Variants in PAX6 observed in about 807,000 individuals in gnomAD.
The protein encoded by PAX6 is paired box protein Pax-6.
PAX6 carries 7 observed loss-of-function variants against 60.7 expected under a neutral mutation model. The observed-to-expected ratio is 0.12, with a 90% CI of 0.07 to 0.22. PAX6 has a LOEUF of 0.22. Ranked by LOEUF, PAX6 falls within the 10% of genes least tolerant of loss-of-function variation. The pLI, the probability that PAX6 is intolerant of heterozygous loss-of-function variation, is 1.00. For synonymous variants in PAX6, 208 were observed against 201.2 expected, an observed-to-expected ratio of 1.03 and a Z score of -0.29; for missense variants, 355 against 555.2, an observed-to-expected ratio of 0.64 and a Z score of 3.62.
At chr11:31,791,266 T>C (rs962800458) in intron 12 of PAX6, 95 of 339,112 alleles carry the variant, frequency 2.8e-4, no homozygotes, top group African/African-American at 1.8e-3. Flanking sequence ...CCAGAGCCCA[T>C]ATCTCAAGCT....
At chr11:31,810,226 C>G (rs1054684808) in intron 2 of PAX6, 3 of 152,462 alleles carry the variant, frequency 2.0e-5, no homozygotes, top group Admixed American at 6.5e-5. Flanking sequence ...CGCGGTGCCC[C>G]CCTCGGCGCT....
At chr11:31,811,912 C>A (rs1314073792), upstream of PAX6, 1 of 152,156 alleles carries the variant, frequency 6.6e-6, no homozygotes, top group Non-Finnish European at 1.5e-5. Context: ...GAGGAGGTTG[C>A]CGGGCCGAGA....
At chr11:31,791,077 C>G (rs1949796196) in intron 12 of PAX6, 1 of 656,618 alleles carries the variant, frequency 1.5e-6, no homozygotes, top group East Asian at 2.8e-5. Context: ...TATCAAGCCT[C>G]TAAAGCACTT....
rs1325022380 is a variant in PAX6, at chr11:31,816,779, C to T, written c.-317+1030G>A. 4.8e-6 allele frequency: 3 copies of T among 621,194 alleles called. No individual in the cohort carries two copies. The African/African-American group carries it at 5.5e-5, about 11-fold the overall frequency. 38.5% of individuals were successfully genotyped at this position (621,194 alleles called of 1,614,324 possible). On this transcript the variant is annotated intron_variant, in intron 1 of 12. Transcript: ENST00000241001. ...GAGCTCCGAAGGTGCTCCCAGAAGA[C>T]CTAGAAAGGGGGCGCAGGAGCGCGA...
intron 4 of PAX6, 135 bp from the exon 5 acceptor site, chr11:31,802,969 G>C: frequency 3.1e-5 from 27 of 869,348 alleles, no homozygotes; most frequent in Non-Finnish European, 4.4e-5. Context: ...GGAAGAGGAA[G>C]AAGGAGAGGA....
chr11:31,790,116 A>C lies in PAX6; in HGVS notation c.1226-97T>G, dbSNP rs1309151674. ...GGTTTACAAAAAAAAAAAAAAAAAA[A>C]AAAACTAATACTTTCTAACATTTTT... is the stretch of plus-strand genomic sequence containing the variant. On this transcript the variant is annotated intron_variant, in intron 13 of 13. Transcript: ENST00000640368. 3.9e-6 allele frequency: 3 copies of C among 779,124 alleles called. No individual in the cohort carries two copies. The Admixed American group carries it at 8.2e-5, about 21-fold the overall frequency. 48.3% of individuals were successfully genotyped at this position (779,124 alleles called of 1,614,324 possible).
At chr11:31,808,560 T>G (rs1184423103) in intron 2 of PAX6, 4 of 152,204 alleles carry the variant, frequency 2.6e-5, no homozygotes, top group Non-Finnish European at 4.4e-5. Context: ...GGGTAAAACT[T>G]CCAGAACTCC....
intron 4 of PAX6, chr11:31,805,199 G>A (rs1450875009): frequency 2.6e-5 from 4 of 152,294 alleles, no homozygotes; most frequent in Non-Finnish European, 5.9e-5. Context: ...AGCGACAAAC[G>A]CTCAGGGCTG....
chr11:31,799,046 T>C (rs1024676408), intron 8 of PAX6, among the ~76,000 whole-genome samples: 1 of 152,244 alleles, frequency 6.6e-6, no homozygotes, highest in Non-Finnish European at 1.5e-5. Flanking sequence ...GCCAGACTCT[T>C]GTCAGGGGAG....
In PAX6 at chr11:31,794,807, G is replaced by A. The variant is rs1951017993; in HGVS notation, c.566-19C>T. The A allele has an allele frequency of 1.3e-5, 21 of 1,613,824 alleles. No individual in the cohort carries two copies. Among genetic ancestry groups the A allele is most frequent in the Non-Finnish European group, 1.7e-5 (20 of 1,179,742 alleles). On this transcript the variant is annotated intron_variant, in intron 8 of 13. Transcript: ENST00000640368. The stretch of plus-strand genomic sequence containing the variant: ...CAGCCATCTGGAACAAAAAGAATAG[G>A]ATGGTAAGAGAAATTTGGATTAACT...
chr11:31,800,978 C>T (rs1359946223), intron 7 of PAX6, 122 bp from the exon 8 acceptor site: 5 of 1,020,240 alleles, frequency 4.9e-6, no homozygotes, highest in Admixed American at 1.9e-5. Context: ...CCAGCCACCC[C>T]GGGACAGTGG....
chr11:31,793,581 A>G, intron 11 of PAX6, 28 bp from the exon 12 acceptor site: 1 of 1,613,574 alleles, frequency 6.2e-7, no homozygotes, highest in Non-Finnish European at 8.5e-7. Flanking sequence ...GACAGTAGTC[A>G]GAGTGAGAGT....
chr11:31,809,604 A>C (rs1000822508), intron 2 of PAX6: 3 of 152,216 alleles, frequency 2.0e-5, no homozygotes, highest in Non-Finnish European at 4.4e-5. Context: ...GGAGACTGAG[A>C]AAATCTGCAC....
At chr11:31,811,384 G>T (rs902970581), upstream of PAX6, 1 of 397,968 alleles carries the variant, frequency 2.5e-6, no homozygotes, top group Non-Finnish European at 4.4e-6. Flanking sequence ...GGGGCCTCGC[G>T]CCAGCCGATT....
rs1416298167 is a variant in PAX6 at position 31,793,885 on chromosome 11, C to G, written c.808-83G>C. The G allele has an allele frequency of 2.0e-6, 3 of 1,495,570 alleles. No homozygotes were observed. The East Asian group carries it at 6.8e-5, about 34-fold the overall frequency. 92.6% of individuals were successfully genotyped at this position (1,495,570 alleles called of 1,614,324 possible). A position where few individuals can be genotyped will look rare whatever the true frequency, so the allele number is the denominator to read the frequency against. The stretch of plus-strand genomic sequence containing the variant: ...GGCACCTCCACTGCTGCCCTCCCCA[C>G]GCCCATGGCAGCAGAGCATTTAGCA... On this transcript the variant is annotated intron_variant, in intron 10 of 13. Transcript: ENST00000640368.
In PAX6 at chr11:31,793,701, A is replaced by G. The variant is rs202154006; in HGVS notation, c.909T>C (p.Ser303=). ...SNTPSHIPIS[S]SFSTSVYQPI... is the part of the protein sequence containing the mutation. Reference sequence around the variant, plus strand: ...GTTGGTAGACACTGGTGCTGAAACTACTGCTGATAGGAATATGACTAGGTG... The same window carrying G: ...GTTGGTAGACACTGGTGCTGAAACTGCTGCTGATAGGAATATGACTAGGTG... The change falls in exon 11 of 14, where the codon AGT becomes AGC. Residue 303 remains serine, a synonymous_variant. Transcript: ENST00000640368. 1.2e-4 allele frequency: 188 copies of G among 1,614,184 alleles called. No homozygotes were observed. In the East Asian group the frequency reaches 4.1e-3, roughly 36 times the overall value.
At chr11:31,813,523 T>TC (rs1383988613), upstream of PAX6, among the ~76,000 whole-genome samples, 1 of 151,750 alleles carries the variant, frequency 6.6e-6, no homozygotes, top group African/African-American at 2.4e-5. Context: ...TGTTGCTATT[T>TC]CCCCCCAGGG....
At chr11:31,813,026 G>A (rs1957194465), upstream of PAX6, 1 of 152,144 alleles carries the variant, frequency 6.6e-6, no homozygotes, top group Admixed American at 6.5e-5. Flanking sequence ...AGGGCTCCCG[G>A]GAAGCAAAGG....
chr11:31,816,790 GGC>G (rs1957401651), intron 1 of PAX6, among the ~76,000 whole-genome samples: 1 of 152,246 alleles, frequency 6.6e-6, no homozygotes, highest in Non-Finnish European at 1.5e-5. Flanking sequence ...CTAGAAAGGG[GGC>G]GCAGGAGCGC....
Sources: gnomAD v4.1 joint callset for allele counts (sites outside exome capture counted in the v4.1 genomes callset) on GRCh38, gnomAD v4.1.1 for gene constraint, MANE v1.5 for transcripts, NCBI Gene and HGNC (gene_info 2026-07-23, HGNC 2026-07-21) for gene names.